Variants in C10orf143 observed in about 807,000 individuals in gnomAD.
C10orf143 encodes uncharacterized protein C10orf143.
At chr10:130,072,705 C>A (rs1022022227) in intron 3 of C10orf143, among the ~76,000 whole-genome samples, 1 of 152,106 alleles carries the variant, frequency 6.6e-6, no homozygotes, top group African/African-American at 2.4e-5. Context: ...GGTTGCAGAA[C>A]ACTGCAATAA....
intron 3 of C10orf143, among the ~76,000 whole-genome samples, chr10:130,078,097 G>C (rs1861148935): frequency 6.6e-6 from 1 of 152,160 alleles, no homozygotes; most frequent in South Asian, 2.1e-4. Context: ...AAACATAACA[G>C]AGGCAAGCTT....
At chr10:130,107,552 C>T (rs779040161) in intron 1 of C10orf143, 1 of 1,342,532 alleles carries the variant, frequency 7.4e-7, no homozygotes, top group South Asian at 1.2e-5. Context: ...TCCTTATGTA[C>T]TTGATGTTCC....
chr10:130,059,373 A>G (rs953095926), downstream of C10orf143, among the ~76,000 whole-genome samples: 1 of 152,230 alleles, frequency 6.6e-6, no homozygotes, highest in African/African-American at 2.4e-5. Context: ...TATTTCCAAC[A>G]TGAGAGAAAA....
chr10:130,101,443 C>A (rs1861548673), intron 1 of C10orf143, among the ~76,000 whole-genome samples: 1 of 152,002 alleles, frequency 6.6e-6, no homozygotes, highest in South Asian at 2.1e-4. Context: ...GAGAGGGTGG[C>A]TGCAGCTCTT....
intron 3 of C10orf143, among the ~76,000 whole-genome samples, chr10:130,037,340 C>T (rs1265488194): frequency 6.6e-6 from 1 of 152,216 alleles, no homozygotes; most frequent in East Asian, 1.9e-4. Flanking sequence ...ACCCCAGTAA[C>T]ACTGCCGGCA....
intron 1 of C10orf143, among the ~76,000 whole-genome samples, chr10:130,089,759 G>A (rs1264522098): frequency 6.6e-6 from 1 of 152,150 alleles, no homozygotes; most frequent in African/African-American, 2.4e-5. Context: ...TTATATTTAT[G>A]GTCAAATGAT....
intron 3 of C10orf143, among the ~76,000 whole-genome samples, chr10:130,047,876 G>A (rs1860695116): frequency 6.6e-6 from 1 of 151,252 alleles, no homozygotes; most frequent in African/African-American, 2.4e-5. Flanking sequence ...CACCAGGAAA[G>A]TAAGGTGGCT....
intron 3 of C10orf143, among the ~76,000 whole-genome samples, chr10:130,076,133 C>T (rs1861113342): frequency 6.6e-6 from 1 of 151,950 alleles, no homozygotes; most frequent in African/African-American, 2.4e-5. Context: ...TTACAGGCAC[C>T]AGGTAGTTCT....
At chr10:130,089,153 T>A (rs769910551) in intron 1 of C10orf143, among the ~76,000 whole-genome samples, 11 of 152,104 alleles carry the variant, frequency 7.2e-5, no homozygotes, top group Non-Finnish European at 1.3e-4. Flanking sequence ...TGGAGAAGAT[T>A]AAGGAAAAAC....
chr10:130,037,170 G>A (rs1029370979), intron 3 of C10orf143, among the ~76,000 whole-genome samples: 1 of 152,212 alleles, frequency 6.6e-6, no homozygotes, highest in East Asian at 1.9e-4. Context: ...GGGACAGGGC[G>A]ATGCCCTCTG....
At chr10:130,058,856 A>T (rs1365739047) in intron 3 of C10orf143, among the ~76,000 whole-genome samples, 1 of 152,028 alleles carries the variant, frequency 6.6e-6, no homozygotes, top group East Asian at 1.9e-4. Flanking sequence ...CCTAAAGTTG[A>T]TCATACCCAT....
chr10:130,097,922 A>C (rs568904650), intron 1 of C10orf143, among the ~76,000 whole-genome samples: 1 of 152,200 alleles, frequency 6.6e-6, no homozygotes, highest in Non-Finnish European at 1.5e-5. Flanking sequence ...AGTGACTACC[A>C]ATGGCCAGAG....
At chr10:130,087,537 C>A (rs1432996533) in intron 1 of C10orf143, among the ~76,000 whole-genome samples, 1 of 152,190 alleles carries the variant, frequency 6.6e-6, no homozygotes, top group African/African-American at 2.4e-5. Context: ...ACACACGAAG[C>A]TGCCACAGAT....
intron 4 of C10orf143, among the ~76,000 whole-genome samples, chr10:130,035,176 A>T (rs1317499135): frequency 6.6e-6 from 1 of 152,180 alleles, no homozygotes; most frequent in Non-Finnish European, 1.5e-5. Context: ...GGAGGCTGGA[A>T]GTCCAAGATC....
At chr10:130,080,524 A>G (rs369362775) in intron 1 of C10orf143, among the ~76,000 whole-genome samples, 12 of 152,350 alleles carry the variant, frequency 7.9e-5, no homozygotes, top group African/African-American at 2.9e-4. Context: ...TTAGGGTAAC[A>G]ATGTTGTAAC....
intron 3 of C10orf143, among the ~76,000 whole-genome samples, chr10:130,049,330 G>A (rs755217430): frequency 1.3e-5 from 2 of 152,194 alleles, no homozygotes; most frequent in Non-Finnish European, 2.9e-5. Flanking sequence ...CACTGTGCAG[G>A]GGCCCCTCGC....
chr10:130,107,757 A>G (rs61732259), intron 1 of C10orf143: 2 of 1,236,424 alleles, frequency 1.6e-6, no homozygotes, highest in East Asian at 2.3e-5. Context: ...ATTACCAAGG[A>G]AAGAGGAGAA....
chr10:130,086,429 T>C (rs960072014), intron 1 of C10orf143, among the ~76,000 whole-genome samples: 1 of 152,264 alleles, frequency 6.6e-6, no homozygotes, highest in Admixed American at 6.5e-5. Context: ...TATTCTGCCA[T>C]ATATTACAGT....
intron 3 of C10orf143, among the ~76,000 whole-genome samples, chr10:130,040,258 C>A (rs1860591052): frequency 6.6e-6 from 1 of 152,192 alleles, no homozygotes; most frequent in Admixed American, 6.5e-5. Context: ...TGTTGCTGAG[C>A]AGTCCAGAAA....
Sources: allele counts gnomAD v4.1 joint callset (sites outside exome capture counted in the v4.1 genomes callset), GRCh38; gene constraint gnomAD v4.1.1; transcripts MANE v1.5; gene names NCBI Gene and HGNC (gene_info 2026-07-23, HGNC 2026-07-21).